MFSD8: variants seen among roughly 807,000 people sequenced by gnomAD.
MFSD8 encodes major facilitator superfamily domain-containing protein 8.
A neutral mutation model predicts 66.4 loss-of-function variants in MFSD8; 55 were observed. The ratio of observed to expected loss-of-function variants is 0.83; its 90% CI spans 0.67 to 1.04. MFSD8 has a LOEUF of 1.04. Among genes scored for constraint, MFSD8 ranks in the 50% least tolerant of loss-of-function variants. The probability of loss-of-function intolerance (pLI) is 0.00; values close to 1 mark genes in which losing one functional copy is unlikely to be tolerated. For synonymous variants in MFSD8, 202 were observed against 212.8 expected, an observed-to-expected ratio of 0.95 and a Z score of 0.44; for missense variants, 550 against 627.6, an observed-to-expected ratio of 0.88 and a Z score of 1.32.
intron 9 of MFSD8, among the ~76,000 whole-genome samples, chr4:127,924,326 AG>A (rs1362312600): frequency 2.6e-5 from 4 of 152,114 alleles, no homozygotes; most frequent in Admixed American, 2.6e-4. Context: ...CTCTGACGGT[AG>A]TTTGTATTTC....
chr4:127,950,323 A>G (rs1478655394), intron 2 of MFSD8, among the ~76,000 whole-genome samples: 1 of 152,180 alleles, frequency 6.6e-6, no homozygotes, highest in African/African-American at 2.4e-5. Flanking sequence ...TTAAAAGAAA[A>G]TTCACTATTT....
At chr4:127,927,165 G>A (rs1208235637) in intron 9 of MFSD8, among the ~76,000 whole-genome samples, 1 of 139,898 alleles carries the variant, frequency 7.1e-6, no homozygotes, top group Non-Finnish European at 1.5e-5. Context: ...TAGGTTAGGT[G>A]TATTAAATGT....
In MFSD8 at chr4:127,921,630, T is replaced by A. The variant is rs1430976421; in HGVS notation, c.1244A>T (p.His415Leu). ...QAWCLYTPVIHLAQFLTSAVL... is the reference protein window; with the variant it reads ...QAWCLYTPVILLAQFLTSAVL... ...AGCTGATGTAAGGAACTGGGCCAGA[T>A]GAATCACCGGGGTGTAGAGGCACCA... Residue 415 changes from histidine (H) to leucine (L), a missense_variant, in exon 11 of 12, where the codon CAT becomes CTT. His to Leu is a moderately conservative substitution (Grantham distance 99). Transcript: ENST00000641686. The A allele has an allele frequency of 3.7e-6, 6 of 1,614,198 alleles. No homozygotes were observed. The highest frequency in any genetic ancestry group is 1.7e-6 in the Non-Finnish European group (2 of 1,180,026).
In MFSD8 at chr4:127,919,942, T is replaced by C. The variant is rs1736145212; in HGVS notation, c.*688A>G. 6.6e-6 allele frequency: 1 copy of C among 152,376 alleles called. No homozygotes were observed. Among genetic ancestry groups the C allele is most frequent in the African/African-American group, 2.4e-5 (1 of 41,442 alleles). 9.4% of individuals were successfully genotyped at this position (152,376 alleles called of 1,614,324 possible). On this transcript the variant is annotated 3_prime_UTR_variant, in exon 12 of 12. Transcript: ENST00000641686. ...TATTAGGCTAATAGGCAGTGAAGTA[T>C]CTTGATCTCTTAATCCTCTGTATTG...
At chr4:127,951,798 G>A (rs551928054) in intron 2 of MFSD8, among the ~76,000 whole-genome samples, 4 of 148,758 alleles carry the variant, frequency 2.7e-5, no homozygotes, top group South Asian at 2.1e-4. Flanking sequence ...GCGCAATCTC[G>A]GCTCATTGCA....
intron 2 of MFSD8, among the ~76,000 whole-genome samples, chr4:127,952,780 G>T (rs936718747): frequency 6.8e-6 from 1 of 147,658 alleles, no homozygotes; most frequent in Non-Finnish European, 1.5e-5. Context: ...TGAGGCAGGA[G>T]AATCGCTTGA....
At chr4:127,942,004 C>A in intron 5 of MFSD8, 41 bp downstream of exon 5, 1 of 1,489,472 alleles carries the variant, frequency 6.7e-7, no homozygotes, top group South Asian at 1.1e-5. Context: ...CAAAAGTTTT[C>A]CCAATTCAAA....
chr4:127,956,508 A>G (rs935447302), intron 2 of MFSD8, among the ~76,000 whole-genome samples: 6 of 150,966 alleles, frequency 4.0e-5, no homozygotes, highest in Non-Finnish European at 4.4e-5. Flanking sequence ...TTGAAAAAAA[A>G]AAAAAAAGAA....
At chr4:127,948,712 C>A (rs1311125918) in intron 3 of MFSD8, among the ~76,000 whole-genome samples, 1 of 152,034 alleles carries the variant, frequency 6.6e-6, no homozygotes. Flanking sequence ...AATGGGTTAT[C>A]ATGGAGTGGA....
chr4:127,965,018 AC>A, intron 1 of MFSD8, 53 bp downstream of exon 1: 1 of 1,594,536 alleles, frequency 6.3e-7, no homozygotes, highest in South Asian at 1.1e-5. Flanking sequence ...CCGGAAAGGA[AC>A]CAGTCCCAAC....
At chr4:127,927,910 T>C (rs1578827157) in intron 9 of MFSD8, among the ~76,000 whole-genome samples, 1 of 152,132 alleles carries the variant, frequency 6.6e-6, no homozygotes, top group Non-Finnish European at 1.5e-5. Context: ...CATAGTGAGA[T>C]AAGATCTCAC....
rs1172439937 is a variant in MFSD8, at chr4:127,918,242, A to C, written c.*2388T>G. 3.3e-5 allele frequency: 5 copies of C among 152,160 alleles called. No homozygotes were observed. Among genetic ancestry groups the C allele is most frequent in the African/African-American group, 1.2e-4 (5 of 41,434 alleles). 9.4% of individuals were successfully genotyped at this position (152,160 alleles called of 1,614,324 possible). Reference sequence around the variant, plus strand: ...TCTTTATACGCAACTTGGCCTACTCAAGAAGACATCAACATGGTGATTTTT... The same window carrying C: ...TCTTTATACGCAACTTGGCCTACTCCAGAAGACATCAACATGGTGATTTTT... On this transcript the variant is annotated 3_prime_UTR_variant, in exon 12 of 12. Transcript: ENST00000641686.
At chr4:127,930,549 C>A (rs1337099424) in intron 9 of MFSD8, 134 bp downstream of exon 9, 3 of 983,434 alleles carry the variant, frequency 3.1e-6, no homozygotes, top group African/African-American at 3.3e-5. Context: ...ATATGATAAT[C>A]TCTTAATAAA....
intron 1 of MFSD8, 36 bp from the exon 2 acceptor site, chr4:127,957,628 T>C (rs1229992878): frequency 2.9e-6 from 4 of 1,374,242 alleles, no homozygotes; most frequent in Non-Finnish European, 4.1e-6. Flanking sequence ...TATAAATTTA[T>C]CTCATTACAT....
rs1300840214 is a variant in MFSD8, at chr4:127,938,595, ATAAAT to A, written c.754+183_754+187del. Among the ~76,000 whole-genome samples the A allele has an allele frequency of 0.015, 1,608 of 110,854 alleles. 55 individuals carry two copies. The highest frequency in any genetic ancestry group is 0.057 in the African/African-American group (1,534 of 26,866). 72.7% of individuals were successfully genotyped at this position (110,854 alleles called of 152,430 possible). On this transcript the variant is annotated intron_variant, in intron 7 of 11. Transcript: ENST00000641686. Reference sequence around the variant, plus strand: ...GAAACTCTGTCTCAAAAAAAAAAAAATAAATAAATAAATAAATAAATAAATAAATA... The same window carrying A: ...GAAACTCTGTCTCAAAAAAAAAAAAAAAATAAATAAATAAATAAATAAATA...
chr4:127,940,147 T>A (rs896949170), intron 5 of MFSD8, 150 bp from the exon 6 acceptor site: 1 of 774,364 alleles, frequency 1.3e-6, no homozygotes. Flanking sequence ...TGGTTCTTGA[T>A]GGGGGGTCAA....
Position 127,921,426 on chromosome 4 carries a change from T to G in MFSD8, c.1350+98A>C, listed in dbSNP as rs1736321088. 5 of 1,583,120 alleles carry G rather than the reference T, an allele frequency of 3.2e-6. No individual in the cohort carries two copies. The African/African-American group carries it at 6.7e-5, about 21-fold the overall frequency. ...AAATGCTGAATATGATAAAAATCCC[T>G]CAAATCAGTCTGTGTAAAAATAGAG... On this transcript the variant is annotated intron_variant, in intron 11 of 11. Coordinates refer to ENST00000641686, the MANE Select transcript of MFSD8 (RefSeq NM_001371596.2).
rs533507894 is a variant in MFSD8, at chr4:127,918,602, A to G, written c.*2028T>C. 6.6e-6 allele frequency: 1 copy of G among 152,288 alleles called. No individual in the cohort carries two copies. Among genetic ancestry groups the G allele is most frequent in the East Asian group, 1.9e-4 (1 of 5,188 alleles). 9.4% of individuals were successfully genotyped at this position (152,288 alleles called of 1,614,324 possible). A position where few individuals can be genotyped will look rare whatever the true frequency, so the allele number is the denominator to read the frequency against. ...CTCACTGGTATAGTTAAATTACCCT[A>G]CAATTAGTGATTAATTGAAACTGCA... On this transcript the variant is annotated 3_prime_UTR_variant, in exon 12 of 12. Transcript: ENST00000641686.
chr4:127,963,213 T>C (rs1368786194), intron 1 of MFSD8, among the ~76,000 whole-genome samples: 1 of 152,176 alleles, frequency 6.6e-6, no homozygotes, highest in Non-Finnish European at 1.5e-5. Context: ...TTTGGACAGA[T>C]TTGTTAAACT....
Sources: allele counts gnomAD v4.1 joint callset (sites outside exome capture counted in the v4.1 genomes callset), GRCh38; gene constraint gnomAD v4.1.1; transcripts MANE v1.5; gene names NCBI Gene and HGNC (gene_info 2026-07-23, HGNC 2026-07-21).